THAP12: variants seen among roughly 807,000 people sequenced by gnomAD.
The protein encoded by THAP12 is 52 kDa repressor of the inhibitor of the protein kinase.
Under a neutral mutation model 63.0 loss-of-function variants are expected in THAP12, and 20 were observed. The ratio of observed to expected loss-of-function variants is 0.32; its 90% confidence interval spans 0.22 to 0.46. THAP12 has a LOEUF of 0.46. THAP12 is among the 20% of genes least tolerant of loss of function. The pLI is 1.00. For missense variants in THAP12, 568 were observed against 908.2 expected (o/e 0.63, Z 4.81); for synonymous variants, 264 against 328.4 (o/e 0.80, Z 2.12).
Position 76,365,872 on chromosome 11 carries a change from T to G in THAP12, c.190A>C (p.Thr64Pro). 6.2e-7 allele frequency: 1 copy of G among 1,612,864 alleles called. No homozygotes were observed. Among genetic ancestry groups the G allele is most frequent in the Non-Finnish European group, 8.5e-7 (1 of 1,179,530 alleles). ...HYRLCAKHFE[T>P]SMICRTSPYR... is the part of the protein sequence containing the mutation. ...CTCACAGTTCTACAGATCATAGAGG[T>G]CTCAAAATGTTTGGCACATAATCGA... Residue 64 changes from threonine to proline, a missense_variant, in exon 2 of 5, where the codon ACC becomes CCC. Thr to Pro is a conservative substitution (Grantham distance 38, BLOSUM62 -1). Transcript: ENST00000260045.
chr11:76,350,619 G>C lies in THAP12; in HGVS notation c.*245C>G. On this transcript the variant is annotated 3_prime_UTR_variant, in exon 5 of 5. Coordinates refer to ENST00000260045, the MANE Select transcript of THAP12 (RefSeq NM_004705.4). ...ATGACTTAACTGAAACAATTCCAGA[G>C]TGCCATCAACAGAGATCACGCAAAA... 1 of 334,832 alleles carries C rather than the reference G, an allele frequency of 3.0e-6. No individual in the cohort carries two copies. Among genetic ancestry groups the C allele is most frequent in the Non-Finnish European group, 5.3e-6 (1 of 189,432 alleles). The allele number at this position is 334,832 out of a possible 1,614,324, so 20.7% of individuals were successfully genotyped here. A position where few individuals can be genotyped will look rare whatever the true frequency, so the allele number is the denominator to read the frequency against.
chr11:76,377,682 C>T lies in THAP12; in HGVS notation c.89+3066G>A, dbSNP rs372146412. Among the ~76,000 whole-genome samples, 7 of 152,206 alleles carry T rather than the reference C, an allele frequency of 4.6e-5. No individual in the cohort carries two copies. The East Asian group carries it at 5.8e-4, about 13-fold the overall frequency. On this transcript the variant is annotated intron_variant, in intron 1 of 4. Transcript: ENST00000260045. ...GCTTGTTTCTACCTTTTGACTATTG[C>T]GAATAGTGCTGCTATGAATGTGTGT...
chr11:76,375,367 C>T (rs1345609511), intron 1 of THAP12, among the ~76,000 whole-genome samples: 1 of 151,858 alleles, frequency 6.6e-6, no homozygotes, highest in Non-Finnish European at 1.5e-5. Flanking sequence ...AGGCAAGCCA[C>T]CCTGGGGCAA....
intron 4 of THAP12, 46 bp from the exon 5 acceptor site, chr11:76,352,840 A>C (rs752888305): frequency 1.3e-6 from 2 of 1,495,340 alleles, no homozygotes; most frequent in East Asian, 4.6e-5. Flanking sequence ...ATGAAAAACC[A>C]TACACAACAA....
intron 4 of THAP12, 152 bp from the exon 5 acceptor site, chr11:76,352,946 TAA>T: frequency 1.1e-6 from 1 of 882,148 alleles, no homozygotes; most frequent in Non-Finnish European, 1.6e-6. Context: ...GGACAGAGAT[TAA>T]AATAAGACAC....
intron 1 of THAP12, among the ~76,000 whole-genome samples, chr11:76,368,327 A>C (rs1487676028): frequency 6.6e-6 from 1 of 152,182 alleles, no homozygotes; most frequent in East Asian, 1.9e-4. Context: ...ATAAATACAC[A>C]AGTTTATGAA....
chr11:76,356,545 A>T (rs756527442), intron 3 of THAP12: 1 of 152,216 alleles, frequency 6.6e-6, no homozygotes, highest in Non-Finnish European at 1.5e-5. Context: ...ATTACACTTC[A>T]TATCTATGGA....
intron 1 of THAP12, among the ~76,000 whole-genome samples, chr11:76,376,895 A>G (rs1267837382): frequency 6.6e-6 from 1 of 152,200 alleles, no homozygotes; most frequent in Non-Finnish European, 1.5e-5. Flanking sequence ...ATGGAAGTGA[A>G]ATAAACCTGT....
At position 76,351,626 on chromosome 11, in the gene THAP12, G is replaced by A; in HGVS notation, c.1524C>T (p.Phe508=). The part of the protein sequence containing the change: ...KNLQGQTSDV[F]FAAGSLTAVL... ...CTGCAGTCAAGCTACCGGCCGCAAA[G>A]AAGACATCAGAGGTTTGCCCCTGGA... Residue 508 remains phenylalanine (F), a synonymous_variant, in exon 5 of 5, where the codon TTC becomes TTT. Coordinates refer to ENST00000260045, the MANE Select transcript of THAP12 (RefSeq NM_004705.4). 2 of 1,584,016 alleles carry A rather than the reference G, an allele frequency of 1.3e-6. No individual in the cohort carries two copies. The highest frequency in any genetic ancestry group is 1.7e-6 in the Non-Finnish European group (2 of 1,163,416).
At position 76,381,121 on chromosome 11, in the gene THAP12, T is replaced by G; in HGVS notation, c.-285A>C. 5.7e-6 allele frequency: 1 copy of G among 174,982 alleles called. No individual in the cohort carries two copies. The highest frequency in any genetic ancestry group is 1.2e-5 in the Non-Finnish European group (1 of 83,688). 10.8% of individuals were successfully genotyped at this position (174,982 alleles called of 1,614,324 possible). ...GCCCGCCCGAGACGCTGCCGCCTCC[T>G]TCCCACAATGCACCCTGACGCCCGG... On this transcript the variant is annotated 5_prime_UTR_variant, in exon 1 of 5. Transcript: ENST00000260045.
Position 76,350,633 on chromosome 11 carries a change from G to A in THAP12, c.*231C>T, listed in dbSNP as rs1289214513. 1.0e-5 allele frequency: 4 copies of A among 391,736 alleles called. No homozygotes were observed. Among genetic ancestry groups the A allele is most frequent in the Non-Finnish European group, 1.7e-5 (4 of 231,752 alleles). 24.3% of individuals were successfully genotyped at this position (391,736 alleles called of 1,614,324 possible). On this transcript the variant is annotated 3_prime_UTR_variant, in exon 5 of 5. Coordinates refer to ENST00000260045, the MANE Select transcript of THAP12 (RefSeq NM_004705.4). ...ACAATTCCAGAGTGCCATCAACAGA[G>A]ATCACGCAAAAGGAAACATGGCACT...
In THAP12 at chr11:76,380,864, C is replaced by T; in HGVS notation, c.-28G>A. 1 of 1,399,994 alleles carries T rather than the reference C, an allele frequency of 7.1e-7. No individual in the cohort carries two copies. The highest frequency in any genetic ancestry group is 9.4e-7 in the Non-Finnish European group (1 of 1,062,850). 86.7% of individuals were successfully genotyped at this position (1,399,994 alleles called of 1,614,324 possible). A position where few individuals can be genotyped will look rare whatever the true frequency, so the allele number is the denominator to read the frequency against. The stretch of plus-strand genomic sequence containing the variant: ...TCGCCCGCCCGCCGGCCGGCCCAGC[C>T]CTCCCCTCCCCGCCTCCTCAGGGCA... On this transcript the variant is annotated 5_prime_UTR_variant, in exon 1 of 5. Transcript: ENST00000260045.
intron 2 of THAP12, among the ~76,000 whole-genome samples, chr11:76,364,099 G>C (rs1946616196): frequency 6.6e-6 from 1 of 152,264 alleles, no homozygotes; most frequent in South Asian, 2.1e-4. Context: ...AATCTGGTTA[G>C]AATTATCTAA....
At chr11:76,364,095 G>A (rs550236926) in intron 2 of THAP12, among the ~76,000 whole-genome samples, 1 of 152,212 alleles carries the variant, frequency 6.6e-6, no homozygotes, top group African/African-American at 2.4e-5. Flanking sequence ...TCACAATCTG[G>A]TTAGAATTAT....
chr11:76,371,972 C>T (rs908491062), intron 1 of THAP12, among the ~76,000 whole-genome samples: 2 of 151,812 alleles, frequency 1.3e-5, no homozygotes, highest in Non-Finnish European at 2.9e-5. Context: ...CCCACCATGC[C>T]CGGTTAATTT....
In THAP12 at chr11:76,374,878, C is replaced by A. The variant is rs148626373; in HGVS notation, c.89+5870G>T. Among the ~76,000 whole-genome samples the A allele has an allele frequency of 5.2e-4, 79 of 152,240 alleles. 1 individual carries two copies. The highest frequency in any genetic ancestry group is 1.8e-3 in the African/African-American group (74 of 41,526). On this transcript the variant is annotated intron_variant, in intron 1 of 4. Coordinates refer to ENST00000260045, the MANE Select transcript of THAP12 (RefSeq NM_004705.4). ...GGGGCATCTGGGAGATGACTTAGGT[C>A]ATGACGGGGAAGCCTTATTTGCCCC...
chr11:76,357,327 G>A (rs1237635441), intron 3 of THAP12: 1 of 152,144 alleles, frequency 6.6e-6, no homozygotes, highest in African/African-American at 2.4e-5. Flanking sequence ...ATGGAGGACT[G>A]TAATGTAAGT....
intron 1 of THAP12, among the ~76,000 whole-genome samples, chr11:76,367,676 G>A (rs535928439): frequency 2.0e-5 from 3 of 151,814 alleles, no homozygotes; most frequent in African/African-American, 7.3e-5. Context: ...GCCCACCTTG[G>A]CCTCCCAAAG....
chr11:76,365,292 TA>T (rs774462964), intron 2 of THAP12, among the ~76,000 whole-genome samples: 1,742 of 130,982 alleles, frequency 0.013, 15 homozygotes, highest in African/African-American at 0.031. Context: ...AGACTGTCTT[TA>T]AAAAAAAAAA....
Sources: allele counts gnomAD v4.1 joint callset (sites outside exome capture counted in the v4.1 genomes callset), GRCh38; gene constraint gnomAD v4.1.1; transcripts MANE v1.5; gene names NCBI Gene and HGNC (gene_info 2026-07-23, HGNC 2026-07-21).